GARNL3: variants seen among roughly 807,000 people sequenced by gnomAD.
GARNL3 encodes the protein GTPase activating Rap/RanGAP domain like 3, also known as GTPase-activating Rap/Ran-GAP domain-like protein 3.
In GARNL3, 63 loss-of-function variants were observed where a neutral mutation model predicts 125.0. The ratio of observed to expected loss-of-function variants is 0.50; its 90% CI spans 0.41 to 0.62. The LOEUF is 0.62. Among genes scored for constraint, GARNL3 ranks in the 20% least tolerant of loss-of-function variants. GARNL3 has a pLI of 0.00. For missense variants in GARNL3, 994 were observed against 1,244.0 expected, an observed-to-expected ratio of 0.80 and a Z score of 3.02; for synonymous variants, 439 against 457.5, an observed-to-expected ratio of 0.96 and a Z score of 0.52.
intron 6 of GARNL3, among the ~76,000 whole-genome samples, chr9:127,323,750 C>G (rs1048003049): frequency 6.8e-5 from 7 of 102,606 alleles, no homozygotes; most frequent in African/African-American, 3.6e-4. Flanking sequence ...AATTAAACTG[C>G]ACCCCCCCAT....
Position 127,344,244 on chromosome 9 carries a change from A to G in GARNL3, c.1261A>G (p.Asn421Asp), listed in dbSNP as rs1320778944. The change falls in exon 15 of 28, where the codon AAT becomes GAT. Residue 421 changes from asparagine (N) to aspartate (D), a missense_variant. This residue lies in a region of GARNL3 where 728 missense variants were observed against 865.7 expected (regional missense o/e 0.84). Coordinates refer to ENST00000373387, the MANE Select transcript of GARNL3 (RefSeq NM_032293.5). ...LMPDLHKNML[N>D]RRSFSDVLPE... ...TGTTTTTCTTTTTTAGAACATGCTT[A>G]ATAGACGATCTTTTAGTGATGTCTT... 3 of 1,608,182 alleles carry G rather than the reference A, an allele frequency of 1.9e-6. No individual in the cohort carries two copies. Among genetic ancestry groups the G allele is most frequent in the Non-Finnish European group, 2.5e-6 (3 of 1,177,178 alleles).
At chr9:127,314,422 A>T (rs889367337) in intron 4 of GARNL3, among the ~76,000 whole-genome samples, 1 of 152,132 alleles carries the variant, frequency 6.6e-6, no homozygotes, top group Non-Finnish European at 1.5e-5. Flanking sequence ...TCTTCCCTTG[A>T]CAGATTTACA....
chr9:127,388,315 CA>C (rs11336441), intron 25 of GARNL3: 67,723 of 124,894 alleles, frequency 0.54, 16,110 homozygotes, highest in South Asian at 0.66. Flanking sequence ...GACCTTGTCT[CA>C]AAAAAAAAAA....
chr9:127,252,108 C>T (rs962268345), intron 2 of GARNL3, among the ~76,000 whole-genome samples: 2 of 152,180 alleles, frequency 1.3e-5, no homozygotes, highest in Non-Finnish European at 2.9e-5. Context: ...TATAAGCCCC[C>T]CAGTGTAAGT....
Position 127,387,284 on chromosome 9 carries a change from C to A in GARNL3, c.2480C>A (p.Thr827Lys). ...KGASARNSPQ[T>K]PPGRDTPVFP... ...GCCAGTGCCCGAAATTCTCCTCAGA[C>A]ACCCCCGGGCCGAGATACTCCAGTA... Residue 827 changes from threonine to lysine, a missense_variant, in exon 25 of 28, where the codon ACA becomes AAA. Thr to Lys is a moderately conservative substitution (Grantham distance 78, BLOSUM62 -1). Around this residue, in one of 5 missense-constraint regions of GARNL3, gnomAD observed 728 missense variants for 865.7 expected, o/e 0.84. Transcript: ENST00000373387. 1 of 1,614,170 alleles carries A rather than the reference C, an allele frequency of 6.2e-7. No homozygotes were observed. The highest frequency in any genetic ancestry group is 8.5e-7 in the Non-Finnish European group (1 of 1,179,996).
chr9:127,298,886 A>C (rs1588793033), intron 2 of GARNL3, among the ~76,000 whole-genome samples: 2 of 152,232 alleles, frequency 1.3e-5, no homozygotes, highest in East Asian at 3.8e-4. Flanking sequence ...CAAAGAAGCA[A>C]GAAGATGTAT....
chr9:127,286,504 GT>G (rs1459658858), intron 1 of GARNL3, among the ~76,000 whole-genome samples: 4 of 152,104 alleles, frequency 2.6e-5, no homozygotes, highest in Admixed American at 1.3e-4. Context: ...TATGTTCTCT[GT>G]TTTTCATAAT....
At chr9:127,272,489 C>CTT (rs71493519) in intron 1 of GARNL3, among the ~76,000 whole-genome samples, 1 of 124,120 alleles carries the variant, frequency 8.1e-6, no homozygotes. Context: ...CAGGCCAACT[C>CTT]TTTTTTTTTT....
At chr9:127,332,095 C>G (rs1322884322) in intron 7 of GARNL3, among the ~76,000 whole-genome samples, 179 bp from the exon 8 acceptor site, 1 of 152,088 alleles carries the variant, frequency 6.6e-6, no homozygotes, top group Non-Finnish European at 1.5e-5. Flanking sequence ...AAATACCTAT[C>G]AAAATGAAGG....
chr9:127,326,362 G>A (rs570708976), intron 7 of GARNL3, among the ~76,000 whole-genome samples: 1 of 152,306 alleles, frequency 6.6e-6, no homozygotes, highest in South Asian at 2.1e-4. Flanking sequence ...AAGGTATAGA[G>A]TAAGTATTTG....
intron 1 of GARNL3, among the ~76,000 whole-genome samples, chr9:127,274,091 T>C (rs946333065): frequency 2.0e-4 from 30 of 152,234 alleles, no homozygotes; most frequent in Admixed American, 7.9e-4. Context: ...AGCATAAATA[T>C]AAAAGTATTT....
intron 22 of GARNL3, among the ~76,000 whole-genome samples, chr9:127,382,698 A>G (rs982447951): frequency 6.6e-6 from 1 of 151,954 alleles, no homozygotes; most frequent in African/African-American, 2.4e-5. Flanking sequence ...TGACTTTCTC[A>G]CTCTAAGAGG....
At chr9:127,253,276 A>G (rs1187234907) in intron 2 of GARNL3, among the ~76,000 whole-genome samples, 1 of 151,938 alleles carries the variant, frequency 6.6e-6, no homozygotes, top group Non-Finnish European at 1.5e-5. Context: ...TTACAGAAGG[A>G]AAAAAAACAA....
In GARNL3 at chr9:127,353,902, G is replaced by T; in HGVS notation, c.1600G>T (p.Val534Leu). 6.2e-7 allele frequency: 1 copy of T among 1,613,698 alleles called. No homozygotes were observed. ...DRTLPVKQMH[V>L]LETLDLLVLR... is the part of the protein sequence containing the mutation. Reference sequence around the variant, plus strand: ...AACTCTGCCAGTGAAGCAAATGCATGTGCTTGAGACCCTGGACCTTCTGGT... The same window carrying T: ...AACTCTGCCAGTGAAGCAAATGCATTTGCTTGAGACCCTGGACCTTCTGGT... The change falls in exon 18 of 28, where the codon GTG (valine) becomes TTG (leucine). Residue 534 changes from valine (V) to leucine (L), a missense_variant. This residue lies in a region of GARNL3 where 728 missense variants were observed against 865.7 expected (regional missense o/e 0.84). Transcript: ENST00000373387.
At chr9:127,250,718 G>A (rs2063386864) in intron 2 of GARNL3, among the ~76,000 whole-genome samples, 1 of 152,160 alleles carries the variant, frequency 6.6e-6, no homozygotes, top group Non-Finnish European at 1.5e-5. Flanking sequence ...TGAATTGAAG[G>A]GAGAGGGATG....
intron 6 of GARNL3, among the ~76,000 whole-genome samples, chr9:127,324,205 C>T (rs184032221): frequency 4.9e-4 from 75 of 152,050 alleles, no homozygotes; most frequent in African/African-American, 1.6e-3. Context: ...GAGCCAAGGT[C>T]GCACCACTGT....
chr9:127,342,676 A>G (rs1204111856), intron 14 of GARNL3, among the ~76,000 whole-genome samples: 1 of 152,040 alleles, frequency 6.6e-6, no homozygotes, highest in Non-Finnish European at 1.5e-5. Context: ...ACTACTCAGC[A>G]TTGCCAGTCA....
intron 2 of GARNL3, 76 bp from the exon 3 acceptor site, chr9:127,311,560 G>T: frequency 1.0e-6 from 1 of 981,242 alleles, no homozygotes; most frequent in Non-Finnish European, 1.6e-6. Context: ...CTGGTTCTTT[G>T]GCCGCTGGTT....
chr9:127,341,995 A>G (rs557681534), intron 13 of GARNL3, among the ~76,000 whole-genome samples: 1 of 152,232 alleles, frequency 6.6e-6, no homozygotes, highest in South Asian at 2.1e-4. Flanking sequence ...AAACTCTGAG[A>G]TTACAGGAGA....
Sources: gnomAD v4.1 joint callset for allele counts (sites outside exome capture counted in the v4.1 genomes callset) on GRCh38, gnomAD v4.1.1 for gene constraint, gnomAD v4.1.1 regional missense constraint, MANE v1.5 for transcripts, NCBI Gene and HGNC (gene_info 2026-07-23, HGNC 2026-07-21) for gene names.